Variants in MYCBP2 observed in about 807,000 individuals in gnomAD.
The protein encoded by MYCBP2 is E3 ubiquitin-protein ligase MYCBP2.
In MYCBP2, 120 loss-of-function variants were observed where a neutral mutation model predicts 525.3. The observed-to-expected ratio is 0.23, with a 90% CI of 0.20 to 0.27. MYCBP2 has a LOEUF of 0.27. MYCBP2 is among the 10% of genes least tolerant of loss of function. The pLI, the probability that MYCBP2 is intolerant of heterozygous loss-of-function variation, is 1.00. For synonymous variants in MYCBP2, 1,894 were observed against 1,955.8 expected, an observed-to-expected ratio of 0.97 and a Z score of 0.83; for missense variants, 4,149 against 5,657.1, an observed-to-expected ratio of 0.73 and a Z score of 8.55.
chr13:77,164,587 T>C, intron 42 of MYCBP2, 46 bp from the exon 43 acceptor site: 1 of 1,086,846 alleles, frequency 9.2e-7, no homozygotes, highest in Non-Finnish European at 1.4e-6. Flanking sequence ...GTTTGAATGA[T>C]AATACGGATT....
At chr13:77,096,554 A>G (rs2046283795) in intron 56 of MYCBP2, 73 bp from the exon 57 acceptor site, 1 of 1,470,528 alleles carries the variant, frequency 6.8e-7, no homozygotes, top group Non-Finnish European at 9.2e-7. Flanking sequence ...TTACTCATAC[A>G]TTAATGACAG....
intron 44 of MYCBP2, among the ~76,000 whole-genome samples, chr13:77,158,482 T>G (rs1471006873): frequency 6.6e-6 from 1 of 152,176 alleles, no homozygotes; most frequent in African/African-American, 2.4e-5. Context: ...GGCCTTACTC[T>G]GCCACCCAGG....
chr13:77,140,887 T>TTCC lies in MYCBP2; in HGVS notation c.7357_7359dup (p.Gly2453dup). On this transcript the variant is annotated inframe_insertion, in exon 50 of 83. Coordinates refer to ENST00000544440, the MANE Select transcript of MYCBP2 (RefSeq NM_015057.5). Reference sequence around the variant, plus strand: ...TCAGACTTTGGTTTGACCAACTGAGTTCCTGGTGGTATCATCCCTTTTGGT... The same window carrying TTCC: ...TCAGACTTTGGTTTGACCAACTGAGTTCCTCCTGGTGGTATCATCCCTTTTGGT... 1 of 1,613,070 alleles carries TTCC rather than the reference T, an allele frequency of 6.2e-7. No homozygotes were observed. The highest frequency in any genetic ancestry group is 8.5e-7 in the Non-Finnish European group (1 of 1,179,718).
rs571605255 is a variant in MYCBP2, at chr13:77,206,203, A to G, written c.3589+450T>C. ...CACTACATCTCAAAGTAATTAAATA[A>G]GTACTACATCTCAAAGTAATTAAAT... is the stretch of plus-strand genomic sequence containing the variant. On this transcript the variant is annotated intron_variant, in intron 24 of 82. Coordinates refer to ENST00000544440, the MANE Select transcript of MYCBP2 (RefSeq NM_015057.5). 3.3e-5 allele frequency among the ~76,000 whole-genome samples: 5 copies of G among 152,010 alleles called. No individual in the cohort carries two copies. In the South Asian group the frequency reaches 1.0e-3, roughly 32 times the overall value.
In MYCBP2 at chr13:77,189,066, T is replaced by A. The variant is rs577829991; in HGVS notation, c.4155-19A>T. 28 of 1,539,210 alleles carry A rather than the reference T, an allele frequency of 1.8e-5. No homozygotes were observed. In the Admixed American group the frequency reaches 2.9e-4, roughly 16 times the overall value. On this transcript the variant is annotated intron_variant, in intron 29 of 82. Coordinates refer to ENST00000544440, the MANE Select transcript of MYCBP2 (RefSeq NM_015057.5). ...TGGAAGTCTAAAGGCAGTAGACACA[T>A]ATAAAATTATGTTAGAAAGTCCAAT...
At chr13:77,308,033 A>G (rs2079685243) in intron 1 of MYCBP2, among the ~76,000 whole-genome samples, 1 of 152,188 alleles carries the variant, frequency 6.6e-6, no homozygotes, top group Non-Finnish European at 1.5e-5. Flanking sequence ...ACCTTGTTCA[A>G]TAAGCTATAA....
intron 2 of MYCBP2, among the ~76,000 whole-genome samples, chr13:77,295,239 A>G (rs1344388861): frequency 6.6e-6 from 1 of 152,060 alleles, no homozygotes; most frequent in Non-Finnish European, 1.5e-5. Flanking sequence ...GGTTCAAGCA[A>G]TCTCCTGCCT....
chr13:77,186,995 G>A (rs976128018), intron 30 of MYCBP2, among the ~76,000 whole-genome samples: 12 of 151,720 alleles, frequency 7.9e-5, no homozygotes, highest in African/African-American at 2.9e-4. Flanking sequence ...AGTTTTTTTA[G>A]ATGGGGGTTT....
At chr13:77,236,190 T>C (rs1388292503) in intron 17 of MYCBP2, among the ~76,000 whole-genome samples, 1 of 152,176 alleles carries the variant, frequency 6.6e-6, no homozygotes, top group South Asian at 2.1e-4. Context: ...AAAGTAGATA[T>C]TAAAAAGCTA....
At chr13:77,232,744 A>G (rs1270741074) in intron 18 of MYCBP2, among the ~76,000 whole-genome samples, 4 of 152,224 alleles carry the variant, frequency 2.6e-5, no homozygotes, top group Middle Eastern at 6.3e-3. Context: ...ATCATTTAAT[A>G]TACTGAATTT....
chr13:77,186,087 G>T, intron 30 of MYCBP2, 24 bp from the exon 31 acceptor site: 1 of 1,490,820 alleles, frequency 6.7e-7, no homozygotes, highest in South Asian at 1.4e-5. Context: ...TGAAAAAACA[G>T]ACAACAATTA....
Position 77,081,676 on chromosome 13 carries a change from T to A in MYCBP2, c.11194-25A>T. Reference sequence around the variant, plus strand: ...CCTATCAGAAACAAATATAAGTACTTATGATACTTAAAAGCAAATCTTTCG... The same window carrying A: ...CCTATCAGAAACAAATATAAGTACTAATGATACTTAAAAGCAAATCTTTCG... On this transcript the variant is annotated intron_variant, in intron 64 of 82. Coordinates refer to ENST00000544440, the MANE Select transcript of MYCBP2 (RefSeq NM_015057.5). The surrounding 1 kb of genome is among the most constrained non-coding windows in gnomAD (Gnocchi z 4.6). 1 of 1,566,522 alleles carries A rather than the reference T, an allele frequency of 6.4e-7. No individual in the cohort carries two copies. The highest frequency in any genetic ancestry group is 8.7e-7 in the Non-Finnish European group (1 of 1,154,040).
Position 77,068,582 on chromosome 13 carries a change from G to A in MYCBP2, c.12154C>T (p.Pro4052Ser). Reference protein sequence around the residue: ...DLFSLLHTASPRVQRQVTSLL... With the variant: ...DLFSLLHTASSRVQRQVTSLL... ...TCAGTCACCTGTCTCTGGACTCTAG[G>A]AGAGGCTGTGTGAAGCAGCGAGAAG... Residue 4052 changes from proline to serine, a missense_variant, in exon 70 of 83, where the codon CCT becomes TCT. By Grantham distance (74) the Pro-to-Ser change is moderately conservative (BLOSUM62 -1). Around this residue, in one of 21 missense-constraint regions of MYCBP2, gnomAD observed 64 missense variants for 131.2 expected, o/e 0.49. Coordinates refer to ENST00000544440, the MANE Select transcript of MYCBP2 (RefSeq NM_015057.5). The A allele has an allele frequency of 6.2e-7, 1 of 1,614,170 alleles. No homozygotes were observed. Among genetic ancestry groups the A allele is most frequent in the Non-Finnish European group, 8.5e-7 (1 of 1,180,020 alleles).
rs543754782 is a variant in MYCBP2, at chr13:77,198,192, T to C, written c.3844-3948A>G. ...CTGAAATGAGCCAAACTACTATTTT[T>C]CTTATTATCAAAATATATGTGCTAC... On this transcript the variant is annotated intron_variant, in intron 26 of 82. Transcript: ENST00000544440. Among the ~76,000 whole-genome samples the C allele has an allele frequency of 3.1e-4, 47 of 152,344 alleles. No individual in the cohort carries two copies. The East Asian group carries it at 7.9e-3, about 26-fold the overall frequency.
chr13:77,326,688 A>C lies in MYCBP2; in HGVS notation c.88T>G (p.Ser30Ala). 2.1e-6 allele frequency: 3 copies of C among 1,448,784 alleles called. No individual in the cohort carries two copies. Among genetic ancestry groups the C allele is most frequent in the Non-Finnish European group, 2.7e-6 (3 of 1,108,784 alleles). 89.7% of individuals were successfully genotyped at this position (1,448,784 alleles called of 1,614,324 possible). A position where few individuals can be genotyped will look rare whatever the true frequency, so the allele number is the denominator to read the frequency against. The part of the protein sequence containing the change: ...DGFYPAATFS[S>A]SPAPGALFMP... Reference sequence around the variant, plus strand: ...AACAGCGCCCCCGGCGCCGGGGAGGAAGAGAAGGTGGCGGCTGGGTAGAAT... The same window carrying C: ...AACAGCGCCCCCGGCGCCGGGGAGGCAGAGAAGGTGGCGGCTGGGTAGAAT... Residue 30 changes from serine to alanine, a missense_variant, in exon 1 of 83, where the codon TCC becomes GCC. By Grantham distance (99) the Ser-to-Ala change is moderately conservative (BLOSUM62 1). Transcript: ENST00000544440. This position sits in a 1 kb window ranked among gnomAD's most constrained non-coding sequence, Gnocchi z 4.2.
At chr13:77,051,352 G>T (rs2036770624) in intron 81 of MYCBP2, among the ~76,000 whole-genome samples, 190 bp from the exon 82 acceptor site, 1 of 152,192 alleles carries the variant, frequency 6.6e-6, no homozygotes, top group Non-Finnish European at 1.5e-5. Flanking sequence ...TGTCCAAAAG[G>T]TCTGGACAAA....
chr13:77,060,896 C>T (rs2039171488), intron 76 of MYCBP2, among the ~76,000 whole-genome samples: 3 of 152,106 alleles, frequency 2.0e-5, no homozygotes. Context: ...AGTTGTGATC[C>T]TCTCACTTTA....
rs1446994236 is a variant in MYCBP2 at position 77,125,366 on chromosome 13, C to A, written c.7987G>T (p.Gly2663Cys). The change falls in exon 54 of 83, where the codon GGC (glycine) becomes TGC (cysteine). Residue 2663 changes from glycine to cysteine, a missense_variant. Physicochemically the swap from Gly to Cys is radical, Grantham distance 159. Around this residue, in one of 21 missense-constraint regions of MYCBP2, gnomAD observed 653 missense variants for 744.7 expected, o/e 0.88. Coordinates refer to ENST00000544440, the MANE Select transcript of MYCBP2 (RefSeq NM_015057.5). ...GEAWSLARDRGGNQYLRHEDE... is the reference protein window; with the variant it reads ...GEAWSLARDRCGNQYLRHEDE... ...TCATGTCGGAGGTACTGGTTTCCGC[C>A]TCTGTCTCTAGCTAAGGACCATGCC... The A allele has an allele frequency of 1.2e-6, 2 of 1,613,938 alleles. No homozygotes were observed. Among genetic ancestry groups the A allele is most frequent in the East Asian group, 4.5e-5 (2 of 44,864 alleles).
At chr13:77,179,341 C>T (rs1476524985) in intron 34 of MYCBP2, among the ~76,000 whole-genome samples, 4 of 152,096 alleles carry the variant, frequency 2.6e-5, no homozygotes, top group Non-Finnish European at 5.9e-5. Flanking sequence ...CATATTAGGA[C>T]ATGATTTTCC....
Sources: gnomAD v4.1 joint callset for allele counts (sites outside exome capture counted in the v4.1 genomes callset) on GRCh38, gnomAD v4.1.1 for gene constraint, gnomAD v4.1.1 regional missense constraint, Gnocchi (gnomAD v3.1) non-coding constraint, MANE v1.5 for transcripts, NCBI Gene and HGNC (gene_info 2026-07-23, HGNC 2026-07-21) for gene names.